The following TMTC1 variants were observed in gnomAD, a reference collection of about 807,000 sequenced individuals.
The protein encoded by TMTC1 is transmembrane O-mannosyltransferase targeting cadherins 1.
Under a neutral mutation model 104.8 loss-of-function variants are expected in TMTC1, and 73 were observed. The ratio of observed to expected loss-of-function variants is 0.70; its 90% CI spans 0.58 to 0.85. TMTC1 has a LOEUF of 0.85. Ranked by LOEUF, TMTC1 falls within the 40% of genes least tolerant of loss-of-function variation. The pLI, the probability that TMTC1 is intolerant of heterozygous loss-of-function variation, is 0.00. For missense variants in TMTC1, 1,035 were observed against 1,096.1 expected (o/e 0.94, Z 0.79); for synonymous variants, 434 against 428.7 (o/e 1.01, Z -0.15).
At chr12:29,552,379 A>G (rs1320265354) in intron 10 of TMTC1, among the ~76,000 whole-genome samples, 3 of 152,236 alleles carry the variant, frequency 2.0e-5, no homozygotes, top group African/African-American at 7.2e-5. Flanking sequence ...ATTTGAATAC[A>G]TTAGGGTTAA....
At chr12:29,778,191 T>C (rs1021796163) in intron 1 of TMTC1, among the ~76,000 whole-genome samples, 3 of 152,226 alleles carry the variant, frequency 2.0e-5, no homozygotes, top group African/African-American at 4.8e-5. Flanking sequence ...ATAGCAAATA[T>C]AATCTAATAG....
At chr12:29,587,580 C>T (rs1010931219) in intron 7 of TMTC1, among the ~76,000 whole-genome samples, 2 of 152,150 alleles carry the variant, frequency 1.3e-5, no homozygotes, top group Non-Finnish European at 2.9e-5. Context: ...GATCCACCTG[C>T]CTTGGCCTCC....
intron 5 of TMTC1, among the ~76,000 whole-genome samples, chr12:29,677,522 G>A (rs922583497): frequency 9.2e-5 from 14 of 152,108 alleles, no homozygotes; most frequent in African/African-American, 2.4e-4. Flanking sequence ...GTTATACCGC[G>A]GTAGCCCCCT....
intron 5 of TMTC1, among the ~76,000 whole-genome samples, chr12:29,685,023 T>C (rs1338126389): frequency 6.6e-6 from 1 of 152,204 alleles, no homozygotes; most frequent in Non-Finnish European, 1.5e-5. Context: ...AACTACTTTT[T>C]AAAAAGATTA....
At chr12:29,610,797 G>A (rs1277303334) in intron 6 of TMTC1, among the ~76,000 whole-genome samples, 1 of 152,184 alleles carries the variant, frequency 6.6e-6, no homozygotes, top group Non-Finnish European at 1.5e-5. Flanking sequence ...TGAAAATAAT[G>A]TGAACACTGA....
intron 6 of TMTC1, among the ~76,000 whole-genome samples, chr12:29,605,097 G>C (rs900534780): frequency 1.3e-5 from 2 of 151,936 alleles, no homozygotes; most frequent in African/African-American, 4.8e-5. Context: ...CATTTGAAGA[G>C]AGTTATATTT....
intron 7 of TMTC1, among the ~76,000 whole-genome samples, chr12:29,588,059 G>A (rs369632627): frequency 1.3e-5 from 2 of 152,274 alleles, no homozygotes; most frequent in South Asian, 4.1e-4. Context: ...AGTCCTATAA[G>A]TTGGTTAGTC....
chr12:29,571,530 G>A (rs777498530), intron 9 of TMTC1, among the ~76,000 whole-genome samples: 1 of 151,762 alleles, frequency 6.6e-6, no homozygotes, highest in Non-Finnish European at 1.5e-5. Flanking sequence ...GATATGTATA[G>A]TATTCTCTCT....
intron 11 of TMTC1, among the ~76,000 whole-genome samples, chr12:29,521,606 C>T (rs1424978233): frequency 2.3e-5 from 3 of 128,062 alleles, no homozygotes; most frequent in Admixed American, 8.6e-5. Context: ...CTCACTTTGT[C>T]GCCTTGGCTG....
intron 1 of TMTC1, among the ~76,000 whole-genome samples, chr12:29,774,887 A>C (rs765045766): frequency 6.6e-6 from 1 of 152,158 alleles, no homozygotes; most frequent in African/African-American, 2.4e-5. Flanking sequence ...GGAGATTGAT[A>C]CTCTGCAGCT....
intron 10 of TMTC1, among the ~76,000 whole-genome samples, chr12:29,537,288 A>G (rs1343402247): frequency 6.6e-6 from 1 of 152,202 alleles, no homozygotes; most frequent in Non-Finnish European, 1.5e-5. Flanking sequence ...CTATGCACTG[A>G]TTTAGCAATG....
At chr12:29,661,251 T>C (rs1940009113) in intron 5 of TMTC1, 2 of 575,760 alleles carry the variant, frequency 3.5e-6, no homozygotes, top group Non-Finnish European at 4.4e-6. Flanking sequence ...CCCAGTCATT[T>C]TGAAAACAAT....
chr12:29,646,140 G>C (rs1939257134), intron 5 of TMTC1, among the ~76,000 whole-genome samples: 1 of 152,174 alleles, frequency 6.6e-6, no homozygotes, highest in Non-Finnish European at 1.5e-5. Flanking sequence ...GTGTCTCATG[G>C]AGAAGCACCC....
chr12:29,517,826 T>C (rs970226867), intron 13 of TMTC1, among the ~76,000 whole-genome samples: 4 of 152,156 alleles, frequency 2.6e-5, no homozygotes, highest in African/African-American at 9.7e-5. Context: ...GTGATTCTCC[T>C]GCCTCAGCCT....
intron 7 of TMTC1, among the ~76,000 whole-genome samples, chr12:29,589,562 A>G (rs1946226726): frequency 6.6e-6 from 1 of 152,324 alleles, no homozygotes; most frequent in East Asian, 1.9e-4. Flanking sequence ...CAACTACTGC[A>G]TTCATGACAT....
At chr12:29,719,052 C>T (rs1442984205) in intron 5 of TMTC1, among the ~76,000 whole-genome samples, 1 of 151,810 alleles carries the variant, frequency 6.6e-6, no homozygotes, top group Non-Finnish European at 1.5e-5. Flanking sequence ...ATTTTTGCTT[C>T]GAGACTGGAA....
chr12:29,713,330 CACACACACACAG>C, intron 5 of TMTC1, among the ~76,000 whole-genome samples: 1 of 149,792 alleles, frequency 6.7e-6, no homozygotes, highest in African/African-American at 2.4e-5. Context: ...CACACACACA[CACACACACACAG>C]GGAGAGAGAG....
intron 7 of TMTC1, among the ~76,000 whole-genome samples, chr12:29,589,613 C>T (rs968490522): frequency 6.6e-6 from 1 of 152,180 alleles, no homozygotes; most frequent in Non-Finnish European, 1.5e-5. Context: ...AACAGAGCTG[C>T]CATCTGGTAG....
chr12:29,521,220 G>A (rs1435090942), intron 11 of TMTC1: 2 of 153,450 alleles, frequency 1.3e-5, no homozygotes, highest in African/African-American at 4.8e-5. Flanking sequence ...GCTTGTTTTG[G>A]GAAGTTTTTG....
Sources: gnomAD v4.1 joint callset for allele counts (sites outside exome capture counted in the v4.1 genomes callset) on GRCh38, gnomAD v4.1.1 for gene constraint, MANE v1.5 for transcripts, NCBI Gene and HGNC (gene_info 2026-07-23, HGNC 2026-07-21) for gene names.